Variants in TNFRSF10D observed in about 807,000 individuals in gnomAD.
TNFRSF10D encodes tumor necrosis factor receptor superfamily member 10D.
A neutral mutation model predicts 42.1 loss-of-function variants in TNFRSF10D; 28 were observed. The ratio of observed to expected loss-of-function variants is 0.66; its 90% CI spans 0.49 to 0.91. The LOEUF (loss-of-function observed/expected upper bound fraction) is 0.91. Among genes scored for constraint, TNFRSF10D ranks in the 40% least tolerant of loss-of-function variants. The pLI is 0.00. For synonymous variants in TNFRSF10D, 186 were observed against 189.4 expected (o/e 0.98, Z 0.15); for missense variants, 503 against 486.1 (o/e 1.03, Z -0.33).
intron 7 of TNFRSF10D, among the ~76,000 whole-genome samples, chr8:23,139,368 T>C (rs1251927942): frequency 2.0e-5 from 3 of 152,190 alleles, no homozygotes; most frequent in Non-Finnish European, 4.4e-5. Flanking sequence ...TTAAAGCGAA[T>C]TGATAAAACG....
chr8:23,138,453 G>A (rs1814380994), intron 7 of TNFRSF10D, among the ~76,000 whole-genome samples, 193 bp from the exon 8 acceptor site: 1 of 152,148 alleles, frequency 6.6e-6, no homozygotes. Context: ...TAAGTGACAT[G>A]CAGTAAATGC....
At position 23,163,882 on chromosome 8, in the gene TNFRSF10D, G is replaced by A. The variant is rs1199910948; in HGVS notation, c.54C>T (p.Arg18=). The A allele has an allele frequency of 6.3e-7, 1 of 1,598,952 alleles. No individual in the cohort carries two copies. Among genetic ancestry groups the A allele is most frequent in the African/African-American group, 1.4e-5 (1 of 73,644 alleles). Residue 18 remains arginine (R), a synonymous_variant, in exon 1 of 9, where the codon CGC becomes CGT. Transcript: ENST00000312584. ...CCGACGCTGTCCTGGCTCCTGGATA[G>A]CGCCCTGCTCGAGCGCTCGAGGCGG... ...VPTASSARAG[R]YPGARTASGT...
At position 23,145,781 on chromosome 8, in the gene TNFRSF10D, G is replaced by T. The variant is rs199848212; in HGVS notation, c.623C>A (p.Ser208Tyr). The part of the protein sequence containing the change: ...TVTTILGMLA[S>Y]PYHYLIIIVV... ...TATGATGATAAGGTAGTGATAGGGA[G>T]AGGCAAGCATCCCCAGGATGGTGGT... is the stretch of plus-strand genomic sequence containing the variant. Residue 208 changes from serine (S) to tyrosine (Y), a missense_variant, in exon 5 of 9, where the codon TCT (serine) becomes TAT (tyrosine). Coordinates refer to ENST00000312584, the MANE Select transcript of TNFRSF10D (RefSeq NM_003840.5). 116 of 1,614,130 alleles carry T rather than the reference G, an allele frequency of 7.2e-5. No individual in the cohort carries two copies. The highest frequency in any genetic ancestry group is 9.1e-5 in the Non-Finnish European group (107 of 1,180,054).
At chr8:23,159,767 G>T (rs1800337199) in intron 1 of TNFRSF10D, among the ~76,000 whole-genome samples, 2 of 152,162 alleles carry the variant, frequency 1.3e-5, no homozygotes, top group African/African-American at 4.8e-5. Flanking sequence ...GGAGGCTGAA[G>T]CAGGAGAATC....
intron 2 of TNFRSF10D, 84 bp from the exon 3 acceptor site, chr8:23,148,635 C>T: frequency 1.0e-6 from 1 of 987,556 alleles, no homozygotes; most frequent in East Asian, 2.6e-5. Context: ...CTCTTTTGGC[C>T]CTCAGTGGAA....
chr8:23,163,989 C>A lies in TNFRSF10D; in HGVS notation c.-54G>T. ...CCAAAAATCAATCAGAAATCGTCCCCGTAGTTTGTGCGCGTGCAAAGGTTC... is the reference window on the plus strand; with the variant it reads ...CCAAAAATCAATCAGAAATCGTCCCAGTAGTTTGTGCGCGTGCAAAGGTTC... On this transcript the variant is annotated 5_prime_UTR_variant, in exon 1 of 9. Coordinates refer to ENST00000312584, the MANE Select transcript of TNFRSF10D (RefSeq NM_003840.5). 1 of 1,502,670 alleles carries A rather than the reference C, an allele frequency of 6.7e-7. No homozygotes were observed. 93.1% of individuals were successfully genotyped at this position (1,502,670 alleles called of 1,614,324 possible). A position where few individuals can be genotyped will look rare whatever the true frequency, so the allele number is the denominator to read the frequency against.
intron 6 of TNFRSF10D, 114 bp downstream of exon 6, chr8:23,144,944 C>G (rs1239360651): frequency 3.3e-6 from 5 of 1,495,054 alleles, no homozygotes; most frequent in Non-Finnish European, 4.7e-6. Flanking sequence ...CAGGCCATGT[C>G]AGAGAGTCAG....
chr8:23,150,159 G>A (rs1289943752), intron 2 of TNFRSF10D, among the ~76,000 whole-genome samples: 2 of 152,184 alleles, frequency 1.3e-5, no homozygotes, highest in East Asian at 3.8e-4. Flanking sequence ...TCAGCTTCCA[G>A]ATCTGTCCTA....
chr8:23,149,189 C>CA (rs370400558), intron 2 of TNFRSF10D, among the ~76,000 whole-genome samples: 40,473 of 85,506 alleles, frequency 0.47, 8,924 homozygotes, highest in South Asian at 0.66. Context: ...GACTCTGTCT[C>CA]AAAAAAAAAA....
chr8:23,154,849 C>G, intron 2 of TNFRSF10D, 25 bp downstream of exon 2: 1 of 1,587,802 alleles, frequency 6.3e-7, no homozygotes, highest in African/African-American at 1.4e-5. Flanking sequence ...TAAAAATAAA[C>G]TGATTTTTAA....
chr8:23,137,971 C>A lies in TNFRSF10D; in HGVS notation c.1060G>T (p.Glu354Ter), dbSNP rs369635225. 5.0e-6 allele frequency: 8 copies of A among 1,614,076 alleles called. No homozygotes were observed. The highest frequency in any genetic ancestry group is 5.1e-6 in the Non-Finnish European group (6 of 1,180,036). The part of the protein sequence containing the change: ...STLLDASATL[E>*]EGHAKETIQD... ...ATTGTTTCCTTTGCATGTCCTTCTT[C>A]CAGTGTTGCCGAGGCATCCAGCAAG... Residue 354 changes from glutamate (E) to a stop codon, truncating the protein, a stop_gained, in exon 9 of 9, where the codon GAA (glutamate) becomes TAA (stop). Coordinates refer to ENST00000312584, the MANE Select transcript of TNFRSF10D (RefSeq NM_003840.5). LOFTEE classifies it low-confidence loss of function (END_TRUNC).
chr8:23,147,199 G>C (rs1800132533), intron 3 of TNFRSF10D, 127 bp from the exon 4 acceptor site: 5 of 727,224 alleles, frequency 6.9e-6, no homozygotes, highest in Admixed American at 6.6e-5. Context: ...GCTGGTTTCT[G>C]CACCAGCACA....
At chr8:23,146,029 G>A (rs1800115464) in intron 4 of TNFRSF10D, 108 bp from the exon 5 acceptor site, 1 of 1,493,292 alleles carries the variant, frequency 6.7e-7, no homozygotes, top group South Asian at 1.2e-5. Flanking sequence ...GGCGTCAGGA[G>A]GACAGGCTCC....
chr8:23,152,903 A>C (rs1174343487), intron 2 of TNFRSF10D, among the ~76,000 whole-genome samples: 1 of 152,258 alleles, frequency 6.6e-6, no homozygotes, highest in Non-Finnish European at 1.5e-5. Context: ...AAGACCTCAA[A>C]TAGCCAAAGT....
At position 23,148,418 on chromosome 8, in the gene TNFRSF10D, G is replaced by C; in HGVS notation, c.370+20C>G. On this transcript the variant is annotated intron_variant, in intron 3 of 8. Coordinates refer to ENST00000312584, the MANE Select transcript of TNFRSF10D (RefSeq NM_003840.5). ...CACTATGCACTCCACCTCTGGGCAA[G>C]GGGTCCACACATTCTGTACCTGATT... 1 of 1,588,066 alleles carries C rather than the reference G, an allele frequency of 6.3e-7. No homozygotes were observed.
intron 7 of TNFRSF10D, among the ~76,000 whole-genome samples, chr8:23,140,414 ACAC>A (rs1426527714): frequency 6.9e-5 from 9 of 129,714 alleles, no homozygotes; most frequent in East Asian, 2.3e-4. Context: ...ACACACACAC[ACAC>A]AATACCTAGA....
At position 23,136,273 on chromosome 8, in the gene TNFRSF10D, C is replaced by A; in HGVS notation, c.*1597G>T. On this transcript the variant is annotated 3_prime_UTR_variant, in exon 9 of 9. Coordinates refer to ENST00000312584, the MANE Select transcript of TNFRSF10D (RefSeq NM_003840.5). ...GTGACACAAGGACAAATGTGTCAGC[C>A]ATTTTAGATCCTGTTGTCACAGTGT... 4.2e-6 allele frequency: 1 copy of A among 235,768 alleles called. No homozygotes were observed. Among genetic ancestry groups the A allele is most frequent in the Admixed American group, 5.1e-5 (1 of 19,542 alleles). 14.6% of individuals were successfully genotyped at this position (235,768 alleles called of 1,614,324 possible). A position where few individuals can be genotyped will look rare whatever the true frequency, so the allele number is the denominator to read the frequency against.
At chr8:23,155,836 T>A (rs1482541909) in intron 1 of TNFRSF10D, among the ~76,000 whole-genome samples, 270 of 148,970 alleles carry the variant, frequency 1.8e-3, no homozygotes, top group African/African-American at 5.8e-3. Flanking sequence ...TCTCTCTCTC[T>A]CGCACACACA....
intron 1 of TNFRSF10D, among the ~76,000 whole-genome samples, chr8:23,159,759 AG>A (rs1443192211): frequency 2.0e-5 from 3 of 151,694 alleles, no homozygotes; most frequent in African/African-American, 7.3e-5. Context: ...GGTACTCAGG[AG>A]GCTGAAGCAG....
Sources: gnomAD v4.1 joint callset for allele counts (sites outside exome capture counted in the v4.1 genomes callset) on GRCh38, gnomAD v4.1.1 for gene constraint, MANE v1.5 for transcripts, NCBI Gene and HGNC (gene_info 2026-07-23, HGNC 2026-07-21) for gene names.